The following ZNF365 variants were observed in gnomAD, a reference collection of about 807,000 sequenced individuals.
The protein encoded by ZNF365 is zinc finger protein 365, also known as protein ZNF365.
A neutral mutation model predicts 35.0 loss-of-function variants in ZNF365; 22 were observed. The observed-to-expected ratio is 0.63, with a 90% confidence interval of 0.45 to 0.90. The LOEUF (loss-of-function observed/expected upper bound fraction) is 0.90, where lower values mean the gene tolerates loss of function less well. Ranked by LOEUF, ZNF365 falls within the 40% of genes least tolerant of loss-of-function variation. The probability of loss-of-function intolerance (pLI) is 0.00; values close to 1 mark genes in which losing one functional copy is unlikely to be tolerated. For missense variants in ZNF365, 448 were observed against 500.3 expected (o/e 0.90, Z 1.00); for synonymous variants, 188 against 196.2 (o/e 0.96, Z 0.35).
chr10:62,448,770 A>G (rs750084898), intron 3 of ZNF365, among the ~76,000 whole-genome samples: 2 of 152,196 alleles, frequency 1.3e-5, no homozygotes, highest in African/African-American at 4.8e-5. Flanking sequence ...TCCATCATAT[A>G]TATGAAATAA....
At chr10:62,378,130 A>G (rs1256590907) in intron 2 of ZNF365, among the ~76,000 whole-genome samples, 2 of 152,198 alleles carry the variant, frequency 1.3e-5, no homozygotes, top group Non-Finnish European at 2.9e-5. Context: ...TAGGGAAATA[A>G]TCTCTAATGA....
At chr10:62,439,609 G>A (rs769456768) in intron 3 of ZNF365, among the ~76,000 whole-genome samples, 1 of 152,156 alleles carries the variant, frequency 6.6e-6, no homozygotes, top group South Asian at 2.1e-4. Context: ...TTTGCATGAG[G>A]TTATAAAGGA....
intron 4 of ZNF365, among the ~76,000 whole-genome samples, chr10:62,461,249 G>A (rs991575566): frequency 6.6e-6 from 1 of 152,232 alleles, no homozygotes; most frequent in African/African-American, 2.4e-5. Flanking sequence ...CTTTCGCAGG[G>A]CGTTCTATCA....
intron 2 of ZNF365, among the ~76,000 whole-genome samples, chr10:62,385,410 T>C (rs1231013796): frequency 2.0e-5 from 3 of 152,214 alleles, no homozygotes; most frequent in Non-Finnish European, 2.9e-5. Context: ...AAAAGTTTCA[T>C]GTAGAAACAG....
chr10:62,376,666 A>G lies in ZNF365; in HGVS notation c.473A>G (p.Glu158Gly), dbSNP rs746911220. 1 of 1,614,138 alleles carries G rather than the reference A, an allele frequency of 6.2e-7. No homozygotes were observed. The highest frequency in any genetic ancestry group is 8.5e-7 in the Non-Finnish European group (1 of 1,180,034). Reference sequence around the variant, plus strand: ...ACCTCAGACACCAAAGCTTCTTTCGAGGCACATGTCAGAGAAAAATTCAAT... The same window carrying G: ...ACCTCAGACACCAAAGCTTCTTTCGGGGCACATGTCAGAGAAAAATTCAAT... ...LPTSDTKASF[E>G]AHVREKFNRM... The change falls in exon 2 of 5, where the codon GAG becomes GGG. Residue 158 changes from glutamate to glycine, a missense_variant. By Grantham distance (98) the Glu-to-Gly change is moderately conservative. Around this residue, in one of 3 missense-constraint regions of ZNF365, gnomAD observed 362 missense variants for 375.7 expected, o/e 0.96. Coordinates refer to ENST00000395254, the MANE Select transcript of ZNF365 (RefSeq NM_014951.3).
chr10:62,388,666 G>T, intron 3 of ZNF365, 90 bp downstream of exon 3: 1 of 1,459,752 alleles, frequency 6.9e-7, no homozygotes, highest in Non-Finnish European at 9.3e-7. Context: ...TGGGTGACTT[G>T]CAGGGACTCT....
intron 4 of ZNF365, among the ~76,000 whole-genome samples, chr10:62,472,362 C>A (rs181497916): frequency 1.3e-5 from 2 of 152,330 alleles, no homozygotes; most frequent in African/African-American, 4.8e-5. Flanking sequence ...ATTCCTATGT[C>A]AAGGTCCTAA....
At position 62,383,707 on chromosome 10, in the gene ZNF365, T is replaced by G. The variant is rs1839478241; in HGVS notation, c.744-4689T>G. On this transcript the variant is annotated intron_variant, in intron 2 of 4. Transcript: ENST00000395254. ...ATGCTTCTAGGGTGTATTGGTCACATGATAGCATGTCTTTGATTTTTCTGA... is the reference window on the plus strand; with the variant it reads ...ATGCTTCTAGGGTGTATTGGTCACAGGATAGCATGTCTTTGATTTTTCTGA... 2.6e-5 allele frequency among the ~76,000 whole-genome samples: 4 copies of G among 152,372 alleles called. No homozygotes were observed. In the South Asian group the frequency reaches 8.3e-4, roughly 32 times the overall value.
intron 3 of ZNF365, among the ~76,000 whole-genome samples, chr10:62,436,235 C>T (rs1442629705): frequency 1.3e-5 from 2 of 152,016 alleles, no homozygotes; most frequent in Non-Finnish European, 2.9e-5. Context: ...TTTTCCAGGC[C>T]ATGGGAATTT....
chr10:62,479,254 G>C (rs140038253), intron 4 of ZNF365, among the ~76,000 whole-genome samples: 2 of 152,218 alleles, frequency 1.3e-5, no homozygotes, highest in Admixed American at 6.5e-5. Context: ...TTCCTCCCAC[G>C]TAGAAGAAAA....
At chr10:62,444,612 T>C (rs7895558) in intron 3 of ZNF365, among the ~76,000 whole-genome samples, 1,675 of 152,192 alleles carry the variant, frequency 0.011, 36 homozygotes, top group African/African-American at 0.038. Context: ...ATCTTCTTCA[T>C]TCAAATCACC....
intron 4 of ZNF365, among the ~76,000 whole-genome samples, chr10:62,472,198 C>A (rs950208168): frequency 6.6e-6 from 1 of 152,198 alleles, no homozygotes; most frequent in Non-Finnish European, 1.5e-5. Flanking sequence ...GTTAAAATGT[C>A]AAGGGGTTGC....
chr10:62,456,742 G>A lies in ZNF365; in HGVS notation c.925-2999G>A, dbSNP rs569842837. Among the ~76,000 whole-genome samples, 4 of 152,274 alleles carry A rather than the reference G, an allele frequency of 2.6e-5. No homozygotes were observed. In the South Asian group the frequency reaches 8.3e-4, roughly 32 times the overall value. On this transcript the variant is annotated intron_variant, in intron 3 of 4. Coordinates refer to the ZNF365 transcript ENST00000395255. ...GTAGCTCTGGTTTCATATCCTCTTA[G>A]ATTCTAGACTAGCAGGAAAGTAAGC...
At position 62,449,664 on chromosome 10, in the gene ZNF365, T is replaced by A. The variant is rs185432014; in HGVS notation, c.925-10077T>A. 1.9e-3 allele frequency among the ~76,000 whole-genome samples: 286 copies of A among 152,340 alleles called. 1 individual carries two copies. Among genetic ancestry groups the A allele is most frequent in the African/African-American group, 6.4e-3 (268 of 41,570 alleles). ...ATGGACATTTTATATAGGCTCTCAT[T>A]CTGAGATCTGTCCACACTGGCAGTA... On this transcript the variant is annotated intron_variant, in intron 3 of 4. Coordinates refer to the ZNF365 transcript ENST00000395255.
intron 4 of ZNF365, among the ~76,000 whole-genome samples, chr10:62,461,025 G>A (rs936395386): frequency 6.6e-6 from 1 of 152,098 alleles, no homozygotes; most frequent in East Asian, 1.9e-4. Flanking sequence ...GATCTTCTCC[G>A]TCCTACAAAG....
At chr10:62,435,233 G>C (rs1186805836) in intron 3 of ZNF365, among the ~76,000 whole-genome samples, 1 of 152,140 alleles carries the variant, frequency 6.6e-6, no homozygotes, top group Non-Finnish European at 1.5e-5. Context: ...CTCTGCATTG[G>C]TGGGTGAAAT....
intron 3 of ZNF365, among the ~76,000 whole-genome samples, chr10:62,431,063 T>C (rs1334551155): frequency 1.3e-5 from 2 of 152,206 alleles, no homozygotes; most frequent in Non-Finnish European, 2.9e-5. Flanking sequence ...AAGCAGTTGG[T>C]AAAAGTCAAA....
intron 4 of ZNF365, among the ~76,000 whole-genome samples, chr10:62,477,798 T>C (rs1344650314): frequency 6.6e-6 from 1 of 152,188 alleles, no homozygotes; most frequent in Non-Finnish European, 1.5e-5. Flanking sequence ...TCAACACTTC[T>C]GTCCAGGAAT....
At chr10:62,476,918 T>C (rs1841141651) in intron 4 of ZNF365, among the ~76,000 whole-genome samples, 1 of 152,232 alleles carries the variant, frequency 6.6e-6, no homozygotes, top group Non-Finnish European at 1.5e-5. Flanking sequence ...ATGTCCATCA[T>C]ATATTACTGA....
Sources: gnomAD v4.1 joint callset for allele counts (sites outside exome capture counted in the v4.1 genomes callset) on GRCh38, gnomAD v4.1.1 for gene constraint, gnomAD v4.1.1 regional missense constraint, MANE v1.5 for transcripts, NCBI Gene and HGNC (gene_info 2026-07-23, HGNC 2026-07-21) for gene names.